Variants in THRB observed in about 807,000 individuals in gnomAD.
The protein encoded by THRB is nuclear receptor subfamily 1 group A member 2.
In THRB, 12 loss-of-function variants were observed where a neutral mutation model predicts 47.8. The observed-to-expected ratio is 0.25, with a 90% CI of 0.16 to 0.41. THRB has a LOEUF of 0.41. Ranked by LOEUF, THRB falls within the 10% of genes least tolerant of loss-of-function variation. THRB has a pLI of 1.00. For synonymous variants in THRB, 218 were observed against 212.2 expected (o/e 1.03, Z -0.24); for missense variants, 348 against 589.2 (o/e 0.59, Z 4.24).
At chr3:24,262,089 C>T (rs1029665512) in intron 3 of THRB, among the ~76,000 whole-genome samples, 5 of 152,176 alleles carry the variant, frequency 3.3e-5, no homozygotes, top group African/African-American at 7.2e-5. Flanking sequence ...ATCTAATTGT[C>T]TACTTTAATA....
At position 24,309,752 on chromosome 3, in the gene THRB, A is replaced by G. The variant is rs1576728451; in HGVS notation, c.-188-12381T>C. Among the ~76,000 whole-genome samples the G allele has an allele frequency of 2.0e-5, 3 of 152,318 alleles. No homozygotes were observed. In the East Asian group the frequency reaches 5.8e-4, roughly 29 times the overall value. On this transcript the variant is annotated intron_variant, in intron 2 of 10. Coordinates refer to ENST00000646209, the MANE Select transcript of THRB (RefSeq NM_001354712.2). ...TGTTCAGGGATCCATTAAGCATTTC[A>G]AGGAAGACACTGACATTACTAAATT...
At chr3:24,139,199 T>C (rs1019058970) in intron 8 of THRB, among the ~76,000 whole-genome samples, 2 of 152,200 alleles carry the variant, frequency 1.3e-5, no homozygotes, top group African/African-American at 4.8e-5. Context: ...GAAAATTATA[T>C]GATTTAAATG....
At chr3:24,214,539 G>T (rs2046372702) in intron 4 of THRB, among the ~76,000 whole-genome samples, 1 of 152,246 alleles carries the variant, frequency 6.6e-6, no homozygotes, top group Non-Finnish European at 1.5e-5. Flanking sequence ...GAAGGTGCCG[G>T]TTTCCTCAGG....
chr3:24,288,624 C>G (rs1254139323), intron 3 of THRB, among the ~76,000 whole-genome samples: 2 of 152,144 alleles, frequency 1.3e-5, no homozygotes, highest in African/African-American at 4.8e-5. Flanking sequence ...ATAGTCCTGT[C>G]TTTTTCTGCC....
At chr3:24,238,300 G>GGTGTGTATGTGT (rs71057661) in intron 3 of THRB, among the ~76,000 whole-genome samples, 1 of 125,672 alleles carries the variant, frequency 8.0e-6, no homozygotes, top group Non-Finnish European at 1.8e-5. Context: ...GGGTGTGTGG[G>GGTGTGTATGTGT]GTGTGTGTGT....
At chr3:24,178,874 T>C (rs1390636676) in intron 5 of THRB, among the ~76,000 whole-genome samples, 3 of 152,116 alleles carry the variant, frequency 2.0e-5, no homozygotes, top group Non-Finnish European at 2.9e-5. Flanking sequence ...ATATAGGTGA[T>C]AGATATGTTA....
rs2031660691 is a variant in THRB, at chr3:24,121,413, G to A, written c.*1471C>T. ...TCCCCAATATTTCCAGGATAAGGCAGTAAAAGGTAGGCAAAGGAATAGTTT... is the reference window on the plus strand; with the variant it reads ...TCCCCAATATTTCCAGGATAAGGCAATAAAAGGTAGGCAAAGGAATAGTTT... On this transcript the variant is annotated 3_prime_UTR_variant, in exon 11 of 11. Transcript: ENST00000646209. 1 of 152,632 alleles carries A rather than the reference G, an allele frequency of 6.6e-6. No individual in the cohort carries two copies. Among genetic ancestry groups the A allele is most frequent in the African/African-American group, 2.4e-5 (1 of 41,442 alleles). The allele number at this position is 152,632 out of a possible 1,614,324, so 9.5% of individuals were successfully genotyped here. A position where few individuals can be genotyped will look rare whatever the true frequency, so the allele number is the denominator to read the frequency against.
At chr3:24,366,313 C>T (rs1027253996) in intron 1 of THRB, among the ~76,000 whole-genome samples, 5 of 152,078 alleles carry the variant, frequency 3.3e-5, no homozygotes, top group Non-Finnish European at 7.4e-5. Context: ...AGAGAATTGC[C>T]AATCTTAGAC....
At chr3:24,206,793 C>G (rs192293842) in intron 4 of THRB, among the ~76,000 whole-genome samples, 59 of 152,154 alleles carry the variant, frequency 3.9e-4, no homozygotes, top group African/African-American at 1.4e-3. Flanking sequence ...CAAATAGATG[C>G]AGTAAAAAAT....
intron 2 of THRB, among the ~76,000 whole-genome samples, chr3:24,315,516 G>A (rs2058056205): frequency 6.6e-6 from 1 of 152,172 alleles, no homozygotes; most frequent in South Asian, 2.1e-4. Flanking sequence ...CAGGCAAACA[G>A]CTCACTACTC....
chr3:24,226,878 T>C (rs1042611610), intron 4 of THRB, among the ~76,000 whole-genome samples: 5 of 152,206 alleles, frequency 3.3e-5, no homozygotes, highest in African/African-American at 1.2e-4. Context: ...AATGGCAGAA[T>C]TGAGTAATTA....
chr3:24,473,889 A>C (rs995219768), intron 1 of THRB, among the ~76,000 whole-genome samples: 1 of 152,170 alleles, frequency 6.6e-6, no homozygotes, highest in Non-Finnish European at 1.5e-5. Flanking sequence ...GTGGGAACTC[A>C]TAAGTGGGAA....
At chr3:24,134,663 C>CAGTA (rs1176876593) in intron 8 of THRB, among the ~76,000 whole-genome samples, 1 of 152,170 alleles carries the variant, frequency 6.6e-6, no homozygotes, top group African/African-American at 2.4e-5. Flanking sequence ...CACTAATGAA[C>CAGTA]AGTATCTCTA....
In THRB at chr3:24,263,984, T is replaced by C. The variant is rs532092556; in HGVS notation, c.-43+33242A>G. Among the ~76,000 whole-genome samples, 3 of 152,300 alleles carry C rather than the reference T, an allele frequency of 2.0e-5. No homozygotes were observed. The South Asian group carries it at 6.2e-4, about 32-fold the overall frequency. On this transcript the variant is annotated intron_variant, in intron 3 of 10. Coordinates refer to ENST00000646209, the MANE Select transcript of THRB (RefSeq NM_001354712.2). ...ATGATGTTTTTGCTCCTGCTTGGCA[T>C]TGGCAGAACATATTTATGTCTTACT...
At chr3:24,384,694 G>C (rs2065959860) in intron 1 of THRB, among the ~76,000 whole-genome samples, 1 of 152,024 alleles carries the variant, frequency 6.6e-6, no homozygotes, top group South Asian at 2.1e-4. Context: ...CTTATACAAG[G>C]GACCTCTGGA....
At chr3:24,269,360 A>C (rs1224211109) in intron 3 of THRB, among the ~76,000 whole-genome samples, 1 of 145,944 alleles carries the variant, frequency 6.9e-6, no homozygotes. Flanking sequence ...GAGTGCAGCG[A>C]CACCATCATA....
chr3:24,380,645 AAATAAG>A lies in THRB; in HGVS notation c.-260-43280_-260-43275del, dbSNP rs537801200. On this transcript the variant is annotated intron_variant, in intron 1 of 10. Transcript: ENST00000646209. The stretch of plus-strand genomic sequence containing the variant: ...TTGTCTCTGTGTATCTCATCTAGAC[AAATAAG>A]AATAAGAACCACTTATACCTAGAAA... 3.5e-3 allele frequency among the ~76,000 whole-genome samples: 529 copies of A among 152,326 alleles called. 2 individuals are homozygous for A. Among genetic ancestry groups the A allele is most frequent in the South Asian group, 7.7e-3 (37 of 4,822 alleles).
At chr3:24,482,283 C>T (rs1031614681) in intron 1 of THRB, among the ~76,000 whole-genome samples, 1 of 152,130 alleles carries the variant, frequency 6.6e-6, no homozygotes, top group Admixed American at 6.5e-5. Context: ...AGTTTATAGC[C>T]ATTATCTCAT....
chr3:24,202,024 G>A (rs1009298237), intron 4 of THRB, among the ~76,000 whole-genome samples: 3 of 152,136 alleles, frequency 2.0e-5, no homozygotes, highest in Non-Finnish European at 4.4e-5. Flanking sequence ...TAAACAACTT[G>A]CCCAAGATCA....
Sources: gnomAD v4.1 joint callset for allele counts (sites outside exome capture counted in the v4.1 genomes callset) on GRCh38, gnomAD v4.1.1 for gene constraint, MANE v1.5 for transcripts, NCBI Gene and HGNC (gene_info 2026-07-23, HGNC 2026-07-21) for gene names.